The following DPP10 variants were observed in gnomAD, a reference collection of about 807,000 sequenced individuals.
The protein encoded by DPP10 is dipeptidyl peptidase like 10.
In DPP10, 33 loss-of-function variants were observed where a neutral mutation model predicts 120.9. That is an observed-to-expected ratio of 0.27 (90% CI 0.21 to 0.37). DPP10 has a LOEUF of 0.37. DPP10 is among the 10% of genes least tolerant of loss of function. The pLI, the probability that DPP10 is intolerant of heterozygous loss-of-function variation, is 1.00. For missense variants in DPP10, 816 were observed against 942.8 expected, an observed-to-expected ratio of 0.87 and a Z score of 1.76; for synonymous variants, 337 against 326.1, an observed-to-expected ratio of 1.03 and a Z score of -0.36.
At chr2:114,664,480 T>G (rs1298590879) in intron 1 of DPP10, among the ~76,000 whole-genome samples, 2 of 151,594 alleles carry the variant, frequency 1.3e-5, no homozygotes, top group Non-Finnish European at 2.9e-5. Context: ...AATACAAAAC[T>G]TAGCCGGGTG....
At chr2:115,059,944 A>G (rs1393675938) in intron 1 of DPP10, among the ~76,000 whole-genome samples, 1 of 152,026 alleles carries the variant, frequency 6.6e-6, no homozygotes, top group Non-Finnish European at 1.5e-5. Context: ...TTCTTTCCAA[A>G]TTGATTATTT....
At chr2:115,064,321 T>C (rs1706664731) in intron 1 of DPP10, among the ~76,000 whole-genome samples, 1 of 152,010 alleles carries the variant, frequency 6.6e-6, no homozygotes, top group African/African-American at 2.4e-5. Context: ...CAGGGAGAAG[T>C]AGTGAGATCA....
intron 1 of DPP10, among the ~76,000 whole-genome samples, chr2:115,117,953 G>A (rs1248908097): frequency 1.3e-5 from 2 of 152,168 alleles, no homozygotes; most frequent in Non-Finnish European, 2.9e-5. Context: ...AGGATATTAA[G>A]TAAAACTAGG....
chr2:114,780,703 G>A (rs912874386), intron 1 of DPP10, among the ~76,000 whole-genome samples: 1 of 151,790 alleles, frequency 6.6e-6, no homozygotes, highest in Non-Finnish European at 1.5e-5. Flanking sequence ...TTGTTAAATT[G>A]CATTTAAGAT....
intron 1 of DPP10, among the ~76,000 whole-genome samples, chr2:114,742,104 A>G (rs1454824083): frequency 1.3e-5 from 2 of 152,212 alleles, no homozygotes; most frequent in East Asian, 3.9e-4. Context: ...TAACATTTTT[A>G]CATATGTGCA....
At chr2:115,724,376 G>A (rs1438524075) in intron 7 of DPP10, among the ~76,000 whole-genome samples, 3 of 152,182 alleles carry the variant, frequency 2.0e-5, no homozygotes, top group Non-Finnish European at 4.4e-5. Context: ...GACTCTTAAA[G>A]ACTTCTGCCC....
intron 3 of DPP10, among the ~76,000 whole-genome samples, chr2:115,490,276 A>C (rs1353590213): frequency 6.6e-6 from 1 of 152,194 alleles, no homozygotes. Flanking sequence ...GTACGTCTTC[A>C]CAGGGCAGCA....
chr2:114,449,310 A>G (rs1432053008), intron 1 of DPP10, among the ~76,000 whole-genome samples: 1 of 152,162 alleles, frequency 6.6e-6, no homozygotes, highest in Non-Finnish European at 1.5e-5. Flanking sequence ...CTGGAACAAC[A>G]TGAATAATTG....
intron 5 of DPP10, among the ~76,000 whole-genome samples, chr2:115,636,412 A>G (rs539183609): frequency 2.0e-5 from 3 of 152,320 alleles, no homozygotes; most frequent in Admixed American, 2.0e-4. Context: ...TGCATGTTGT[A>G]TAATTTTATT....
At chr2:114,932,131 G>A (rs778729440) in intron 1 of DPP10, among the ~76,000 whole-genome samples, 12 of 152,250 alleles carry the variant, frequency 7.9e-5, no homozygotes, top group Non-Finnish European at 1.0e-4. Context: ...TAGAAACATC[G>A]GAAATGCAAT....
At chr2:115,835,524 G>A (rs553441160) in intron 21 of DPP10, among the ~76,000 whole-genome samples, 7 of 152,146 alleles carry the variant, frequency 4.6e-5, no homozygotes, top group Non-Finnish European at 1.0e-4. Flanking sequence ...TCTTACACAA[G>A]GGAAACTTCC....
At chr2:114,524,396 C>G (rs1025003509) in intron 1 of DPP10, among the ~76,000 whole-genome samples, 5 of 152,138 alleles carry the variant, frequency 3.3e-5, no homozygotes, top group African/African-American at 1.2e-4. Context: ...GCTTCTGTGT[C>G]CATGAAACAG....
intron 21 of DPP10, among the ~76,000 whole-genome samples, chr2:115,815,989 A>G (rs1687187410): frequency 6.6e-6 from 1 of 151,806 alleles, no homozygotes; most frequent in South Asian, 2.1e-4. Flanking sequence ...ATGTAATTAC[A>G]TGCTTCATTA....
intron 1 of DPP10, among the ~76,000 whole-genome samples, chr2:114,623,656 A>C (rs797011322): frequency 3.9e-5 from 6 of 152,226 alleles, no homozygotes; most frequent in African/African-American, 1.4e-4. Flanking sequence ...AAATAGTTCA[A>C]ATAACAGCCT....
At chr2:115,651,506 G>A (rs2087769102) in intron 5 of DPP10, among the ~76,000 whole-genome samples, 1 of 152,022 alleles carries the variant, frequency 6.6e-6, no homozygotes, top group South Asian at 2.1e-4. Context: ...TCATTTTCAA[G>A]TAAAAGAATT....
intron 1 of DPP10, among the ~76,000 whole-genome samples, chr2:114,806,703 G>C (rs1374449408): frequency 6.6e-6 from 1 of 152,002 alleles, no homozygotes; most frequent in Non-Finnish European, 1.5e-5. Flanking sequence ...GAAAAATTTG[G>C]CATATTACAA....
At chr2:114,980,833 T>A (rs961695581) in intron 1 of DPP10, among the ~76,000 whole-genome samples, 3 of 152,132 alleles carry the variant, frequency 2.0e-5, no homozygotes, top group African/African-American at 7.2e-5. Context: ...TGCCTGATTT[T>A]TTTTTACAAT....
chr2:115,336,367 C>A (rs184897869), intron 2 of DPP10, among the ~76,000 whole-genome samples: 1 of 151,940 alleles, frequency 6.6e-6, no homozygotes, highest in Non-Finnish European at 1.5e-5. Flanking sequence ...TTCTACAATA[C>A]CTTGTAACTA....
In DPP10 at chr2:114,587,288, T is replaced by A. The variant is rs1265894032; in HGVS notation, c.60+144450T>A. Among the ~76,000 whole-genome samples the A allele has an allele frequency of 2.4e-4, 26 of 110,180 alleles. 1 individual carries two copies. The highest frequency in any genetic ancestry group is 7.4e-4 in the African/African-American group (20 of 26,882). The allele number at this position is 110,180 out of a possible 152,430, so 72.3% of individuals were successfully genotyped here. A position where few individuals can be genotyped will look rare whatever the true frequency, so the allele number is the denominator to read the frequency against. On this transcript the variant is annotated intron_variant, in intron 1 of 25. Coordinates refer to ENST00000410059, the MANE Select transcript of DPP10 (RefSeq NM_020868.6). ...TGCACTCCAGCCTGGGCAATAGGAG[T>A]GAAACTCCATCTCAAAAAAAAAAAA...
Sources: gnomAD v4.1 joint callset for allele counts (sites outside exome capture counted in the v4.1 genomes callset) on GRCh38, gnomAD v4.1.1 for gene constraint, MANE v1.5 for transcripts, NCBI Gene and HGNC (gene_info 2026-07-23, HGNC 2026-07-21) for gene names.